Variants in ILDR2 observed in about 807,000 individuals in gnomAD.
ILDR2 encodes the protein immunoglobulin like domain containing receptor 2, also known as immunoglobulin-like domain-containing receptor 2.
Under a neutral mutation model 66.8 loss-of-function variants are expected in ILDR2, and 25 were observed. That is an observed-to-expected ratio of 0.37 (90% CI 0.27 to 0.52). The LOEUF is 0.52. ILDR2 is among the 20% of genes least tolerant of loss of function. The probability of loss-of-function intolerance (pLI) is 0.88; values close to 1 mark genes in which losing one functional copy is unlikely to be tolerated. For synonymous variants in ILDR2, 367 were observed against 357.2 expected, an observed-to-expected ratio of 1.03 and a Z score of -0.31; for missense variants, 827 against 876.8, an observed-to-expected ratio of 0.94 and a Z score of 0.72.
intron 1 of ILDR2, among the ~76,000 whole-genome samples, chr1:166,967,578 G>A (rs1046495698): frequency 2.6e-5 from 4 of 152,234 alleles, no homozygotes; most frequent in African/African-American, 9.6e-5. Flanking sequence ...CCAACATGGC[G>A]AAACCCTGTC....
chr1:166,934,071 T>C (rs1157304451), intron 6 of ILDR2, among the ~76,000 whole-genome samples: 2 of 152,112 alleles, frequency 1.3e-5, no homozygotes, highest in East Asian at 3.9e-4. Context: ...ATCTAGGGAT[T>C]TAAAAATCAC....
At position 166,912,203 on chromosome 1, in the gene ILDR2, G is replaced by T. The variant is rs150993408; in HGVS notation, c.*7152C>A. 1.6e-3 allele frequency: 236 copies of T among 152,254 alleles called. 1 individual carries two copies. Among genetic ancestry groups the T allele is most frequent in the African/African-American group, 5.4e-3 (223 of 41,558 alleles). 9.4% of individuals were successfully genotyped at this position (152,254 alleles called of 1,614,324 possible). ...AAAAGCAAAAATAAAAGTCAGAAGGGAGTGTAATAATAACTTCAATGTCCT... is the reference window on the plus strand; with the variant it reads ...AAAAGCAAAAATAAAAGTCAGAAGGTAGTGTAATAATAACTTCAATGTCCT... On this transcript the variant is annotated 3_prime_UTR_variant, in exon 10 of 10. Coordinates refer to ENST00000271417, the MANE Select transcript of ILDR2 (RefSeq NM_199351.3).
intron 6 of ILDR2, 107 bp downstream of exon 6, chr1:166,935,194 A>G: frequency 9.0e-7 from 1 of 1,107,708 alleles, no homozygotes; most frequent in Non-Finnish European, 1.3e-6. Context: ...GGAACAGAGA[A>G]AACTATTTTC....
rs761082097 is a variant in ILDR2, at chr1:166,922,685, A to G, written c.1119T>C (p.Tyr373=). ...VSGDLESNPD[Y]WSGVMGGSSG... ...TGCTGCCTCCCATGACACCTGACCAATAGTCAGGATTGCTCTCCAAGTCCC... is the reference window on the plus strand; with the variant it reads ...TGCTGCCTCCCATGACACCTGACCAGTAGTCAGGATTGCTCTCCAAGTCCC... Residue 373 remains tyrosine (Y), a synonymous_variant, in exon 8 of 10, where the codon TAT becomes TAC. Transcript: ENST00000271417. 1.9e-5 allele frequency: 30 copies of G among 1,613,904 alleles called. No homozygotes were observed. Among genetic ancestry groups the G allele is most frequent in the Non-Finnish European group, 2.5e-5 (29 of 1,179,912 alleles).
intron 2 of ILDR2, among the ~76,000 whole-genome samples, chr1:166,898,991 TA>T (rs766321684): frequency 4.0e-5 from 6 of 150,682 alleles, no homozygotes; most frequent in African/African-American, 7.3e-5. Context: ...GCCTGGGAGG[TA>T]AAATCTGCAG....
At position 166,910,840 on chromosome 1, in the gene ILDR2, G is replaced by A. The variant is rs1265253042; in HGVS notation, c.*8515C>T. ...TGGATTAGAATTAGATAATCATAGG[G>A]AAAAATGAATTATTTGTTTTGCCTA... On this transcript the variant is annotated 3_prime_UTR_variant, in exon 10 of 10. Transcript: ENST00000271417. 6.6e-6 allele frequency: 1 copy of A among 152,172 alleles called. No homozygotes were observed. The highest frequency in any genetic ancestry group is 2.4e-5 in the African/African-American group (1 of 41,432). The allele number at this position is 152,172 out of a possible 1,614,324, so 9.4% of individuals were successfully genotyped here. A position where few individuals can be genotyped will look rare whatever the true frequency, so the allele number is the denominator to read the frequency against.
At chr1:166,945,943 T>G (rs893983079) in intron 3 of ILDR2, among the ~76,000 whole-genome samples, 3 of 152,208 alleles carry the variant, frequency 2.0e-5, no homozygotes, top group Non-Finnish European at 4.4e-5. Flanking sequence ...TTAATGCACA[T>G]CTCAGCTTCA....
At chr1:166,959,593 A>T (rs1662490592) in intron 1 of ILDR2, among the ~76,000 whole-genome samples, 1 of 152,246 alleles carries the variant, frequency 6.6e-6, no homozygotes, top group Middle Eastern at 3.2e-3. Flanking sequence ...GGGGCTAAAA[A>T]GCAGATGAGA....
rs868749457 is a variant in ILDR2 at position 166,921,041 on chromosome 1, G to T, written c.1550C>A (p.Thr517Lys). The T allele has an allele frequency of 4.6e-6, 7 of 1,507,808 alleles. No homozygotes were observed. The highest frequency in any genetic ancestry group is 1.2e-5 in the South Asian group (1 of 80,268). The allele number at this position is 1,507,808 out of a possible 1,614,324, so 93.4% of individuals were successfully genotyped here. A position where few individuals can be genotyped will look rare whatever the true frequency, so the allele number is the denominator to read the frequency against. ...GTCGTATTTGGGTGCGGTGCCTGGC[G>T]TGCGGCTCACCAGCCGCGGCAGGTG... ...DAHLPRLVSR[T>K]PGTAPKYDHS... Residue 517 changes from threonine to lysine, a missense_variant, in exon 9 of 10, where the codon ACG becomes AAG. Around this residue, in one of 2 missense-constraint regions of ILDR2, gnomAD observed 390 missense variants for 353.6 expected, o/e 1.10. Coordinates refer to ENST00000271417, the MANE Select transcript of ILDR2 (RefSeq NM_199351.3). This position sits in a 1 kb window ranked among gnomAD's most constrained non-coding sequence, Gnocchi z 5.3.
intron 1 of ILDR2, among the ~76,000 whole-genome samples, chr1:166,967,213 T>C (rs1207859448): frequency 1.3e-5 from 2 of 152,210 alleles, no homozygotes; most frequent in Admixed American, 6.5e-5. Context: ...AACTCTGCTT[T>C]TCTTGCCCCT....
rs112030479 is a variant in ILDR2 at position 166,935,787 on chromosome 1, C to T, written c.704-310G>A. 6.3e-3 allele frequency among the ~76,000 whole-genome samples: 961 copies of T among 152,304 alleles called. 8 individuals are homozygous for T. The highest frequency in any genetic ancestry group is 0.021 in the African/African-American group (894 of 41,582). On this transcript the variant is annotated intron_variant, in intron 5 of 9. Transcript: ENST00000271417. Reference sequence around the variant, plus strand: ...GTGACAGCAGCAGCCCACTCTTACCCACACTGTCTGGAGGCTGCCTCGGCC... The same window carrying T: ...GTGACAGCAGCAGCCCACTCTTACCTACACTGTCTGGAGGCTGCCTCGGCC...
In ILDR2 at chr1:166,911,678, G is replaced by C. The variant is rs1018675984; in HGVS notation, c.*7677C>G. On this transcript the variant is annotated 3_prime_UTR_variant, in exon 10 of 10. Transcript: ENST00000271417. ...CATTGTAAAAAAAAAAAAAGAGTAA[G>C]TCACAAGACAACAGGGACTATGTAA... 1.2e-4 allele frequency: 17 copies of C among 147,030 alleles called. No individual in the cohort carries two copies. Among genetic ancestry groups the C allele is most frequent in the African/African-American group, 3.7e-4 (15 of 40,402 alleles). 9.1% of individuals were successfully genotyped at this position (147,030 alleles called of 1,614,324 possible). A position where few individuals can be genotyped will look rare whatever the true frequency, so the allele number is the denominator to read the frequency against.
chr1:166,952,700 A>G (rs563643256), intron 3 of ILDR2, among the ~76,000 whole-genome samples: 2 of 152,340 alleles, frequency 1.3e-5, no homozygotes, highest in Admixed American at 1.3e-4. Flanking sequence ...ACTAAGAAAT[A>G]AAGTGAAATA....
At chr1:166,960,453 C>G (rs1557955207) in intron 1 of ILDR2, among the ~76,000 whole-genome samples, 1 of 152,156 alleles carries the variant, frequency 6.6e-6, no homozygotes, top group Admixed American at 6.5e-5. Flanking sequence ...GTTTCTTAAG[C>G]AATCTGAGAC....
chr1:166,955,840 A>G (rs1050735679), intron 3 of ILDR2, among the ~76,000 whole-genome samples: 1 of 152,162 alleles, frequency 6.6e-6, no homozygotes, highest in Non-Finnish European at 1.5e-5. Flanking sequence ...CTTACAAATT[A>G]CTCCAAATTG....
rs1246737155 is a variant in ILDR2 at position 166,936,414 on chromosome 1, CA to C, written c.703+176del. 1.3e-5 allele frequency among the ~76,000 whole-genome samples: 2 copies of C among 152,062 alleles called. No homozygotes were observed. The highest frequency in any genetic ancestry group is 4.8e-5 in the African/African-American group (2 of 41,382). ...GGAGAGGTGTATGTAGGTGAAAAGG[CA>C]AATGAGAATGGTCATCCCTGAGGCC... On this transcript the variant is annotated intron_variant, in intron 5 of 9. Transcript: ENST00000271417. This position sits in a 1 kb window ranked among gnomAD's most constrained non-coding sequence, Gnocchi z 5.0.
intron 9 of ILDR2, among the ~76,000 whole-genome samples, chr1:166,920,468 G>GT (rs1470978538): frequency 1.3e-5 from 2 of 152,200 alleles, no homozygotes; most frequent in African/African-American, 4.8e-5. Context: ...CTTTCTGCCT[G>GT]TTTTTCAACT....
chr1:166,966,114 T>C (rs1662933036), intron 1 of ILDR2, among the ~76,000 whole-genome samples: 1 of 152,140 alleles, frequency 6.6e-6, no homozygotes, highest in Admixed American at 6.5e-5. Context: ...TTCATCGCCT[T>C]GATAAACTTG....
At chr1:166,972,304 G>A (rs1054658495) in intron 1 of ILDR2, among the ~76,000 whole-genome samples, 1 of 152,174 alleles carries the variant, frequency 6.6e-6, no homozygotes, top group East Asian at 1.9e-4. Context: ...AAAACACATC[G>A]CTTGCTCCAG....
Sources: allele counts gnomAD v4.1 joint callset (sites outside exome capture counted in the v4.1 genomes callset), GRCh38; gene constraint gnomAD v4.1.1; regional missense constraint gnomAD v4.1.1; non-coding constraint Gnocchi (gnomAD v3.1); transcripts MANE v1.5; gene names NCBI Gene and HGNC (gene_info 2026-07-23, HGNC 2026-07-21).